BCAS3: variants seen among roughly 807,000 people sequenced by gnomAD.
BCAS3 encodes BCAS3 microtubule associated cell migration factor.
Under a neutral mutation model 116.1 loss-of-function variants are expected in BCAS3, and 53 were observed. The observed-to-expected ratio is 0.46, with a 90% CI of 0.37 to 0.57. The LOEUF (loss-of-function observed/expected upper bound fraction) is 0.57, where lower values mean the gene tolerates loss of function less well. Ranked by LOEUF, BCAS3 falls within the 20% of genes least tolerant of loss-of-function variation. The probability of loss-of-function intolerance (pLI) is 0.00; values close to 1 mark genes in which losing one functional copy is unlikely to be tolerated. For synonymous variants in BCAS3, 391 were observed against 408.2 expected (o/e 0.96, Z 0.51); for missense variants, 917 against 1,165.4 (o/e 0.79, Z 3.10).
At position 61,041,105 on chromosome 17, in the gene BCAS3, T is replaced by C. The variant is rs2067471337; in HGVS notation, c.2029+213T>C. 6.6e-6 allele frequency among the ~76,000 whole-genome samples: 1 copy of C among 152,166 alleles called. No homozygotes were observed. The highest frequency in any genetic ancestry group is 6.5e-5 in the Admixed American group (1 of 15,270). ...GCTTATATTCTTTACCTATGAAATA[T>C]ATTTCTGTAATAAAAGTTAAGTTGA... On this transcript the variant is annotated intron_variant, in intron 19 of 23. Transcript: ENST00000407086. The surrounding 1 kb of genome is among the most constrained non-coding windows in gnomAD (Gnocchi z 4.7).
chr17:61,103,517 C>A (rs985958418), intron 22 of BCAS3, among the ~76,000 whole-genome samples: 1 of 152,106 alleles, frequency 6.6e-6, no homozygotes, highest in South Asian at 2.1e-4. Context: ...TACTGCTGCC[C>A]AAATGGATTT....
intron 5 of BCAS3, among the ~76,000 whole-genome samples, chr17:60,725,902 T>C (rs1030918693): frequency 3.9e-5 from 6 of 152,140 alleles, no homozygotes; most frequent in African/African-American, 1.2e-4. Flanking sequence ...GTTGTCATTG[T>C]TGTTGTTTTT....
chr17:60,890,318 G>T (rs556114280), intron 10 of BCAS3, among the ~76,000 whole-genome samples: 1 of 152,188 alleles, frequency 6.6e-6, no homozygotes, highest in South Asian at 2.1e-4. Flanking sequence ...GCCGGGCGTG[G>T]TGGCATGCGC....
At position 61,388,757 on chromosome 17, in the gene BCAS3, C is replaced by CG; in HGVS notation, c.2594-3217dup. 6.6e-7 allele frequency: 1 copy of CG among 1,504,318 alleles called. No individual in the cohort carries two copies. The highest frequency in any genetic ancestry group is 1.7e-4 in the Middle Eastern group (1 of 5,828). 93.2% of individuals were successfully genotyped at this position (1,504,318 alleles called of 1,614,324 possible). On this transcript the variant is annotated intron_variant, in intron 23 of 23. Coordinates refer to ENST00000407086, the MANE Select transcript of BCAS3 (RefSeq NM_017679.5). The surrounding 1 kb of genome is among the most constrained non-coding windows in gnomAD (Gnocchi z 6.5). ...CCGCTTGCTCGTAGGGCTGGGCGGC[C>CG]GGGATGACTTGGAGGGGGGAATCTG...
chr17:61,370,644 C>T (rs1405221655), intron 23 of BCAS3, among the ~76,000 whole-genome samples: 1 of 152,228 alleles, frequency 6.6e-6, no homozygotes, highest in East Asian at 1.9e-4. Flanking sequence ...GCCTCGGCCT[C>T]CCAGAGAGCT....
chr17:60,805,050 TAAGTA>T (rs1356837173), intron 6 of BCAS3, among the ~76,000 whole-genome samples: 1 of 151,588 alleles, frequency 6.6e-6, no homozygotes, highest in Non-Finnish European at 1.5e-5. Context: ...TTAGCATGCT[TAAGTA>T]AATACACACA....
At chr17:61,085,995 A>G (rs1268114941) in intron 22 of BCAS3, among the ~76,000 whole-genome samples, 1 of 152,192 alleles carries the variant, frequency 6.6e-6, no homozygotes, top group East Asian at 1.9e-4. Flanking sequence ...GTGACTAGCT[A>G]CTAGGAACAC....
At chr17:60,820,707 G>GA (rs2049884735) in intron 7 of BCAS3, among the ~76,000 whole-genome samples, 1 of 152,106 alleles carries the variant, frequency 6.6e-6, no homozygotes, top group African/African-American at 2.4e-5. Context: ...TGCCCTGATG[G>GA]AATGGGGGTA....
Position 61,224,193 on chromosome 17 carries a change from C to A in BCAS3, c.2425+139629C>A, listed in dbSNP as rs564491704. 6.6e-6 allele frequency among the ~76,000 whole-genome samples: 1 copy of A among 152,298 alleles called. No homozygotes were observed. The highest frequency in any genetic ancestry group is 2.4e-5 in the African/African-American group (1 of 41,552). ...ATAAGAGAAATCTTTAAGCATCTAT[C>A]ATGTGCATCTCTGTACCATGGATGA... On this transcript the variant is annotated intron_variant, in intron 22 of 23. Coordinates refer to ENST00000407086, the MANE Select transcript of BCAS3 (RefSeq NM_017679.5). The surrounding 1 kb of genome is among the most constrained non-coding windows in gnomAD (Gnocchi z 5.7).
intron 22 of BCAS3, among the ~76,000 whole-genome samples, chr17:61,125,186 C>T (rs560888693): frequency 5.3e-5 from 8 of 152,174 alleles, no homozygotes; most frequent in South Asian, 2.1e-4. Context: ...TATAGCTAAA[C>T]GAAAATATTT....
intron 12 of BCAS3, among the ~76,000 whole-genome samples, chr17:60,920,863 C>G (rs1286501438): frequency 7.0e-6 from 1 of 142,784 alleles, no homozygotes; most frequent in South Asian, 2.4e-4. Flanking sequence ...GAGCAAGACT[C>G]CATCGCAAAC....
At position 61,144,255 on chromosome 17, in the gene BCAS3, TTCTC is replaced by T. The variant is rs973590933; in HGVS notation, c.2425+59693_2425+59696del. On this transcript the variant is annotated intron_variant, in intron 22 of 23. Coordinates refer to ENST00000407086, the MANE Select transcript of BCAS3 (RefSeq NM_017679.5). The surrounding 1 kb of genome is among the most constrained non-coding windows in gnomAD (Gnocchi z 5.0). ...ATAGTATCCTGAAGACTTCATTTCT[TTCTC>T]TGAAGACACAACTATCAGCAAATCC... Among the ~76,000 whole-genome samples the T allele has an allele frequency of 6.6e-6, 1 of 152,138 alleles. No homozygotes were observed. Among genetic ancestry groups the T allele is most frequent in the Non-Finnish European group, 1.5e-5 (1 of 68,030 alleles).
At chr17:61,101,911 G>A (rs866497584) in intron 22 of BCAS3, among the ~76,000 whole-genome samples, 4 of 152,044 alleles carry the variant, frequency 2.6e-5, no homozygotes, top group African/African-American at 4.8e-5. Flanking sequence ...TCTGCAAAAC[G>A]GTGACTAGGT....
At chr17:61,042,912 A>AG (rs1555682972) in intron 19 of BCAS3, among the ~76,000 whole-genome samples, 4 of 143,802 alleles carry the variant, frequency 2.8e-5, no homozygotes, top group Non-Finnish European at 4.5e-5. Context: ...AAAAAAAAAA[A>AG]AAAGAAAGAA....
intron 10 of BCAS3, among the ~76,000 whole-genome samples, chr17:60,900,850 G>T (rs2057844092): frequency 1.3e-5 from 2 of 151,782 alleles, no homozygotes. Context: ...TCTAAATTTA[G>T]ACCAAAATTT....
chr17:61,057,259 A>G (rs923186063), intron 19 of BCAS3, among the ~76,000 whole-genome samples: 4 of 152,228 alleles, frequency 2.6e-5, no homozygotes, highest in African/African-American at 9.6e-5. Context: ...TCCAGAAAAT[A>G]TCAGGGAAAC....
chr17:61,293,293 G>T (rs1478541133), intron 22 of BCAS3, among the ~76,000 whole-genome samples: 1 of 152,122 alleles, frequency 6.6e-6, no homozygotes, highest in Non-Finnish European at 1.5e-5. Context: ...AAATCGTGCA[G>T]GTTGGAAATC....
intron 12 of BCAS3, among the ~76,000 whole-genome samples, chr17:60,920,911 A>G (rs1599694436): frequency 8.0e-6 from 1 of 125,366 alleles, no homozygotes; most frequent in African/African-American, 3.6e-5. Context: ...AACAACAACA[A>G]CAACAACAAC....
chr17:61,342,542 T>C (rs1201839341), intron 22 of BCAS3, among the ~76,000 whole-genome samples: 1 of 152,156 alleles, frequency 6.6e-6, no homozygotes, highest in African/African-American at 2.4e-5. Flanking sequence ...GCCGAGCACA[T>C]CCTCTCTCCT....
Sources: gnomAD v4.1 joint callset for allele counts (sites outside exome capture counted in the v4.1 genomes callset) on GRCh38, gnomAD v4.1.1 for gene constraint, Gnocchi (gnomAD v3.1) non-coding constraint, MANE v1.5 for transcripts, NCBI Gene and HGNC (gene_info 2026-07-23, HGNC 2026-07-21) for gene names.